Variants in LMBR1 observed in about 807,000 individuals in gnomAD.
LMBR1 encodes the protein limb development membrane protein 1, also known as limb region 1 protein homolog.
LMBR1 carries 52 observed loss-of-function variants against 73.9 expected under a neutral mutation model. The observed-to-expected ratio is 0.70, with a 90% CI of 0.56 to 0.89. LMBR1 has a LOEUF of 0.89. Among genes scored for constraint, LMBR1 ranks in the 40% least tolerant of loss-of-function variants. LMBR1 has a pLI of 0.00. For synonymous variants in LMBR1, 215 were observed against 209.4 expected, an observed-to-expected ratio of 1.03 and a Z score of -0.23; for missense variants, 539 against 579.8, an observed-to-expected ratio of 0.93 and a Z score of 0.72.
intron 9 of LMBR1, among the ~76,000 whole-genome samples, chr7:156,742,771 T>A (rs1819133256): frequency 6.6e-6 from 1 of 152,100 alleles, no homozygotes; most frequent in Non-Finnish European, 1.5e-5. Flanking sequence ...AAGGGGCCAG[T>A]AATACCCTGA....
At chr7:156,759,423 C>T (rs906576095) in intron 8 of LMBR1, among the ~76,000 whole-genome samples, 14 of 152,178 alleles carry the variant, frequency 9.2e-5, no homozygotes, top group African/African-American at 3.4e-4. Flanking sequence ...ACTCTGCCCC[C>T]TCATAGATCT....
At chr7:156,839,115 T>G (rs1201602288) in intron 1 of LMBR1, among the ~76,000 whole-genome samples, 1 of 147,842 alleles carries the variant, frequency 6.8e-6, no homozygotes, top group Non-Finnish European at 1.5e-5. Context: ...AATGGCGCGA[T>G]CTTGGCTCAT....
intron 4 of LMBR1, among the ~76,000 whole-genome samples, chr7:156,824,849 A>T (rs76703249): frequency 1.4e-5 from 2 of 138,926 alleles, no homozygotes; most frequent in Non-Finnish European, 3.0e-5. Flanking sequence ...TGTCTCAATA[A>T]AAAAAAAAAA....
chr7:156,713,736 T>C lies in LMBR1; in HGVS notation c.1225+10376A>G, dbSNP rs567521306. Among the ~76,000 whole-genome samples, 5 of 152,304 alleles carry C rather than the reference T, an allele frequency of 3.3e-5. No homozygotes were observed. In the South Asian group the frequency reaches 1.0e-3, roughly 32 times the overall value. On this transcript the variant is annotated intron_variant, in intron 15 of 16. Transcript: ENST00000353442. ...GTATAAGTCAAAACTTATAAAATTG[T>C]CACTTTAAACATGTGCAGTTTATTG...
chr7:156,724,764 CTGTGTGTGTGTGTGTGTGTGTG>C (rs71189961), intron 14 of LMBR1, among the ~76,000 whole-genome samples: 1 of 146,436 alleles, frequency 6.8e-6, no homozygotes, highest in African/African-American at 2.5e-5. Flanking sequence ...AAAGAAATAG[CTGTGTGTGTGTGTGTGTGTGTG>C]TGTGTGTGTG....
intron 1 of LMBR1, among the ~76,000 whole-genome samples, chr7:156,840,330 G>A (rs1838431897): frequency 6.6e-6 from 1 of 152,118 alleles, no homozygotes; most frequent in Non-Finnish European, 1.5e-5. Flanking sequence ...GTGGGGGCAT[G>A]TCTCACTAAT....
chr7:156,799,150 C>T (rs899361239), intron 4 of LMBR1, among the ~76,000 whole-genome samples: 7 of 150,924 alleles, frequency 4.6e-5, no homozygotes, highest in Admixed American at 4.0e-4. Context: ...TGCAGTGAGC[C>T]GAGATTGCAC....
intron 15 of LMBR1, among the ~76,000 whole-genome samples, chr7:156,700,778 T>C (rs539131836): frequency 1.3e-5 from 2 of 152,312 alleles, no homozygotes; most frequent in East Asian, 1.9e-4. Context: ...GTCGCTTCCA[T>C]ATTTTCAGGT....
chr7:156,845,668 GAGAC>G (rs1839467012), intron 1 of LMBR1, among the ~76,000 whole-genome samples: 2 of 151,260 alleles, frequency 1.3e-5, no homozygotes, highest in Non-Finnish European at 2.9e-5. Context: ...TTTTTTTTAA[GAGAC>G]AGGGTTTTGC....
rs1834802575 is a variant in LMBR1 at position 156,821,569 on chromosome 7, T to A, written c.319+5036A>T. ...GACCATGGCCAATGGTTTGGCCAGA[T>A]GCTCAGAGTCTTGAAGAAACACAAT... On this transcript the variant is annotated intron_variant, in intron 4 of 16. Coordinates refer to ENST00000353442, the MANE Select transcript of LMBR1 (RefSeq NM_022458.4). 2.6e-5 allele frequency among the ~76,000 whole-genome samples: 4 copies of A among 152,328 alleles called. No homozygotes were observed. The East Asian group carries it at 7.7e-4, about 29-fold the overall frequency.
At chr7:156,839,626 T>C (rs1225169352) in intron 1 of LMBR1, among the ~76,000 whole-genome samples, 2 of 152,096 alleles carry the variant, frequency 1.3e-5, no homozygotes, top group East Asian at 1.9e-4. Context: ...GAGAACAACT[T>C]TGGACCAGGA....
intron 15 of LMBR1, among the ~76,000 whole-genome samples, chr7:156,688,644 C>A (rs1311935365): frequency 6.6e-6 from 1 of 152,154 alleles, no homozygotes; most frequent in African/African-American, 2.4e-5. Flanking sequence ...AACTGCCCGT[C>A]CCCTCTCTTT....
downstream of LMBR1, chr7:156,676,483 A>G (rs1358999376): frequency 6.2e-7 from 1 of 1,613,916 alleles, no homozygotes; most frequent in Non-Finnish European, 8.5e-7. Context: ...GCTGGCGGTC[A>G]GCGCGTGGGT....
intron 15 of LMBR1, among the ~76,000 whole-genome samples, chr7:156,707,098 TA>T (rs1419494485): frequency 1.3e-5 from 2 of 152,010 alleles, no homozygotes; most frequent in Non-Finnish European, 2.9e-5. Flanking sequence ...GAGAATATTA[TA>T]AACAACTATA....
chr7:156,692,731 G>A (rs1351496002), intron 15 of LMBR1, among the ~76,000 whole-genome samples: 1 of 152,194 alleles, frequency 6.6e-6, no homozygotes, highest in Non-Finnish European at 1.5e-5. Flanking sequence ...GCATAAGGAT[G>A]ACACAGTGGC....
chr7:156,812,973 C>T (rs903866189), intron 4 of LMBR1, among the ~76,000 whole-genome samples: 4 of 152,190 alleles, frequency 2.6e-5, no homozygotes, highest in Non-Finnish European at 5.9e-5. Flanking sequence ...TATTGTCCTT[C>T]TTTGCCTATA....
At chr7:156,691,743 T>TA (rs35083004) in intron 15 of LMBR1, among the ~76,000 whole-genome samples, 6,979 of 150,274 alleles carry the variant, frequency 0.046, 204 homozygotes, top group African/African-American at 0.053. Context: ...CTTGTTATTT[T>TA]AAAAAAAAAA....
intron 1 of LMBR1, among the ~76,000 whole-genome samples, chr7:156,839,665 T>C (rs1362741568): frequency 6.6e-6 from 1 of 152,168 alleles, no homozygotes; most frequent in Non-Finnish European, 1.5e-5. Flanking sequence ...CATCATCATG[T>C]AGGAATGACA....
At chr7:156,703,955 T>C (rs141521344) in intron 15 of LMBR1, among the ~76,000 whole-genome samples, 25 of 152,222 alleles carry the variant, frequency 1.6e-4, no homozygotes, top group African/African-American at 5.8e-4. Context: ...GAGGTCAACA[T>C]GCAAAGCCCA....
Sources: allele counts gnomAD v4.1 joint callset (sites outside exome capture counted in the v4.1 genomes callset), GRCh38; gene constraint gnomAD v4.1.1; transcripts MANE v1.5; gene names NCBI Gene and HGNC (gene_info 2026-07-23, HGNC 2026-07-21).